The following BSG variants were observed in gnomAD, a reference collection of about 807,000 sequenced individuals.
The protein encoded by BSG is basigin (Ok blood group), also known as basigin.
A neutral mutation model predicts 43.1 loss-of-function variants in BSG; 37 were observed. The observed-to-expected ratio is 0.86, with a 90% CI of 0.66 to 1.13. The LOEUF (loss-of-function observed/expected upper bound fraction) is 1.13, where lower values mean the gene tolerates loss of function less well. Among genes scored for constraint, BSG ranks in the 50% most tolerant of loss-of-function variants. BSG has a pLI of 0.00. For missense variants in BSG, 599 were observed against 554.2 expected (o/e 1.08, Z -0.81); for synonymous variants, 309 against 238.7 (o/e 1.29, Z -2.72).
intron 1 of BSG, among the ~76,000 whole-genome samples, chr19:573,251 C>T (rs998951258): frequency 2.0e-5 from 3 of 152,158 alleles, no homozygotes; most frequent in Non-Finnish European, 2.9e-5. Context: ...TCCGCAGGAC[C>T]TGGGGAAAGC....
intron 1 of BSG, among the ~76,000 whole-genome samples, chr19:576,771 G>GAA (rs1568349004): frequency 9.2e-6 from 1 of 108,208 alleles, no homozygotes; most frequent in African/African-American, 3.9e-5. Flanking sequence ...AAGAAGAAGA[G>GAA]GAGAAAGAAA....
At position 581,509 on chromosome 19, in the gene BSG, G is replaced by C; in HGVS notation, c.987G>C (p.Leu329=). ...ACCTGGCCGCCCTCTGGCCCTTCCT[G>C]GGCATCGTGGCTGAGGTGCTGGTGC... is the stretch of plus-strand genomic sequence containing the variant. ...RSHLAALWPF[L]GIVAEVLVLV... The change falls in exon 6 of 9, where the codon CTG becomes CTC. Residue 329 remains leucine (L), a synonymous_variant. Transcript: ENST00000333511. 6.3e-7 allele frequency: 1 copy of C among 1,597,098 alleles called. No homozygotes were observed. The highest frequency in any genetic ancestry group is 8.5e-7 in the Non-Finnish European group (1 of 1,172,630).
Position 580,785 on chromosome 19 carries a change from G to A in BSG, c.792+3G>A, listed in dbSNP as rs377474905. 21 of 1,612,614 alleles carry A rather than the reference G, an allele frequency of 1.3e-5. No individual in the cohort carries two copies. In the African/African-American group the frequency reaches 2.0e-4, roughly 15 times the overall value. On this transcript the variant is annotated splice_donor_region_variant and intron_variant, in intron 5 of 8. Transcript: ENST00000333511. The stretch of plus-strand genomic sequence containing the variant: ...AGATCACTGACTCTGAGGACAAGGT[G>A]AGAAGCCAAGGAGGCTGGGGGTCCT...
intron 6 of BSG, 117 bp from the exon 7 acceptor site, chr19:582,189 T>G (rs1982384299): frequency 3.2e-5 from 46 of 1,418,524 alleles, no homozygotes; most frequent in Non-Finnish European, 4.4e-5. Context: ...GAGCCACCCC[T>G]GGGGGTCACT....
upstream of BSG, chr19:571,427 C>T (rs1421993979): frequency 1.4e-6 from 1 of 729,900 alleles, no homozygotes; most frequent in African/African-American, 1.7e-5. Context: ...GCCCCAATAG[C>T]GACTTTTCTC....
At chr19:580,593 G>C (rs1982202409) in intron 4 of BSG, 53 bp from the exon 5 acceptor site, 1 of 1,609,026 alleles carries the variant, frequency 6.2e-7, no homozygotes, top group Non-Finnish European at 8.5e-7. Context: ...CGGGAGGCCG[G>C]GGATGGGGGC....
In BSG at chr19:580,424, C is replaced by T. The variant is rs753080156; in HGVS notation, c.618C>T (p.Leu206=). 3 of 1,611,274 alleles carry T rather than the reference C, an allele frequency of 1.9e-6. No individual in the cohort carries two copies. Among genetic ancestry groups the T allele is most frequent in the Admixed American group, 1.7e-5 (1 of 60,006 alleles). The change falls in exon 4 of 9, where the codon CTC becomes CTT. Residue 206 remains leucine, a synonymous_variant. Transcript: ENST00000333511. ...DQWGEYSCVF[L]PEPMGTANIQ... ...GGGGAGAGTACTCCTGCGTCTTCCTCCCCGAGCCCATGGGCACGGCCAACA... is the reference window on the plus strand; with the variant it reads ...GGGGAGAGTACTCCTGCGTCTTCCTTCCCGAGCCCATGGGCACGGCCAACA...
At position 581,449 on chromosome 19, in the gene BSG, C is replaced by T. The variant is rs1186579807; in HGVS notation, c.927C>T (p.Ser309=). 7 of 1,612,042 alleles carry T rather than the reference C, an allele frequency of 4.3e-6. No homozygotes were observed. Among genetic ancestry groups the T allele is most frequent in the East Asian group, 2.2e-5 (1 of 44,830 alleles). The change falls in exon 6 of 9, where the codon TCC becomes TCT. Residue 309 remains serine (S), a synonymous_variant. Transcript: ENST00000333511. The part of the protein sequence containing the change: ...YRCNGTSSKG[S]DQAIITLRVR... ...GCAACGGCACCAGCTCCAAGGGCTC[C>T]GACCAGGCCATCATCACGCTCCGCG...
intron 1 of BSG, among the ~76,000 whole-genome samples, chr19:572,975 C>T (rs942856859): frequency 1.3e-5 from 2 of 152,276 alleles, no homozygotes; most frequent in South Asian, 4.1e-4. Flanking sequence ...CGTGAAGCTC[C>T]CTGCTTGGAG....
At chr19:575,764 T>A (rs1446990410) in intron 1 of BSG, among the ~76,000 whole-genome samples, 1 of 152,134 alleles carries the variant, frequency 6.6e-6, no homozygotes. Flanking sequence ...TTACGTCTCA[T>A]GTGGCCAGAA....
intron 1 of BSG, among the ~76,000 whole-genome samples, chr19:575,745 G>C (rs1981712859): frequency 6.6e-6 from 1 of 152,160 alleles, no homozygotes; most frequent in South Asian, 2.1e-4. Flanking sequence ...CTTTACTTGA[G>C]AACATGGGTT....
intron 3 of BSG, 159 bp downstream of exon 3, chr19:579,815 G>A: frequency 8.2e-7 from 1 of 1,213,690 alleles, no homozygotes; most frequent in Non-Finnish European, 1.1e-6. Flanking sequence ...GAAACCCCAG[G>A]GAGGGGTCTG....
intron 1 of BSG, among the ~76,000 whole-genome samples, chr19:576,013 T>G (rs1010809251): frequency 1.3e-5 from 2 of 152,196 alleles, no homozygotes; most frequent in Admixed American, 1.3e-4. Flanking sequence ...GACACAGGGT[T>G]GTTCCATCCA....
intron 2 of BSG, chr19:578,785 T>C (rs1138150): frequency 0.41 from 134,910 of 326,464 alleles, 31,105 homozygotes; most frequent in African/African-American, 0.68. Flanking sequence ...AGGTGGAGTG[T>C]GGTGGCACAA....
chr19:581,680 C>A (rs1055384208), intron 6 of BSG, 89 bp downstream of exon 6: 1 of 1,440,570 alleles, frequency 6.9e-7, no homozygotes, highest in East Asian at 2.5e-5. Flanking sequence ...CCACCGCTGA[C>A]CCAGAGCTTG....
upstream of BSG, chr19:571,812 C>T: frequency 1.8e-6 from 1 of 566,554 alleles, no homozygotes; most frequent in Non-Finnish European, 3.1e-6. Context: ...CGCCCACAAT[C>T]TAAGCTGATC....
chr19:580,637 T>A lies in BSG; in HGVS notation c.656-9T>A, dbSNP rs746613785. 5.6e-6 allele frequency: 9 copies of A among 1,612,620 alleles called. No homozygotes were observed. Among genetic ancestry groups the A allele is most frequent in the Non-Finnish European group, 5.9e-6 (7 of 1,179,858 alleles). On this transcript the variant is annotated splice_polypyrimidine_tract_variant and intron_variant, in intron 4 of 8. Transcript: ENST00000333511. ...GGTTCCAGGCTCCTCTCTCTCACCCTCCTGTCAGGGCCTCCCAGAGTGAAG... is the reference window on the plus strand; with the variant it reads ...GGTTCCAGGCTCCTCTCTCTCACCCACCTGTCAGGGCCTCCCAGAGTGAAG...
At position 581,484 on chromosome 19, in the gene BSG, A is replaced by T. The variant is rs1239010102; in HGVS notation, c.962A>T (p.His321Leu). 1.2e-6 allele frequency: 2 copies of T among 1,603,882 alleles called. No homozygotes were observed. The highest frequency in any genetic ancestry group is 1.7e-6 in the Non-Finnish European group (2 of 1,176,004). The change falls in exon 6 of 9, where the codon CAC becomes CTC. Residue 321 changes from histidine to leucine, a missense_variant. By Grantham distance (99) the His-to-Leu change is moderately conservative. Transcript: ENST00000333511. ...QAIITLRVRSHLAALWPFLGI... is the reference protein window; with the variant it reads ...QAIITLRVRSLLAALWPFLGI... The stretch of plus-strand genomic sequence containing the variant: ...ATCATCACGCTCCGCGTGCGCAGCC[A>T]CCTGGCCGCCCTCTGGCCCTTCCTG...
intron 1 of BSG, chr19:575,462 G>A (rs1243841958): frequency 6.6e-6 from 1 of 151,850 alleles, no homozygotes; most frequent in Non-Finnish European, 1.5e-5. Flanking sequence ...TGCTAGCTGG[G>A]TCCCGAGGGT....
Sources: gnomAD v4.1 joint callset for allele counts (sites outside exome capture counted in the v4.1 genomes callset) on GRCh38, gnomAD v4.1.1 for gene constraint, MANE v1.5 for transcripts, NCBI Gene and HGNC (gene_info 2026-07-23, HGNC 2026-07-21) for gene names.